AK5: variants seen among roughly 807,000 people sequenced by gnomAD.
The protein encoded by AK5 is adenylate kinase 5.
A neutral mutation model predicts 69.5 loss-of-function variants in AK5; 27 were observed. The observed-to-expected ratio is 0.39, with a 90% CI of 0.29 to 0.54. The LOEUF (loss-of-function observed/expected upper bound fraction) is 0.54, where lower values mean the gene tolerates loss of function less well. Among genes scored for constraint, AK5 ranks in the 20% least tolerant of loss-of-function variants. The probability of loss-of-function intolerance (pLI) is 0.71; values close to 1 mark genes in which losing one functional copy is unlikely to be tolerated. For synonymous variants in AK5, 260 were observed against 244.4 expected, an observed-to-expected ratio of 1.06 and a Z score of -0.60; for missense variants, 531 against 700.4, an observed-to-expected ratio of 0.76 and a Z score of 2.73.
chr1:77,374,680 A>T (rs1270681804), intron 6 of AK5, among the ~76,000 whole-genome samples: 2 of 152,006 alleles, frequency 1.3e-5, no homozygotes, highest in African/African-American at 4.8e-5. Context: ...ATTTAGCCAG[A>T]TGTGGTGGCA....
intron 1 of AK5, among the ~76,000 whole-genome samples, chr1:77,286,463 C>A (rs933742037): frequency 6.6e-6 from 1 of 150,924 alleles, no homozygotes; most frequent in African/African-American, 2.4e-5. Flanking sequence ...TCCATCAGAT[C>A]GTAATTTCAA....
chr1:77,542,045 C>A (rs1285464192), intron 13 of AK5, among the ~76,000 whole-genome samples: 1 of 152,130 alleles, frequency 6.6e-6, no homozygotes, highest in East Asian at 1.9e-4. Context: ...AAGAGAAAAA[C>A]AGGCCAGGCA....
intron 11 of AK5, among the ~76,000 whole-genome samples, chr1:77,519,381 G>A (rs1657854654): frequency 6.6e-6 from 1 of 152,084 alleles, no homozygotes; most frequent in Non-Finnish European, 1.5e-5. Context: ...CTCATGAAAG[G>A]AAAACAGACC....
At chr1:77,368,250 T>A (rs1557535570) in intron 6 of AK5, among the ~76,000 whole-genome samples, 1 of 75,246 alleles carries the variant, frequency 1.3e-5, no homozygotes, top group African/African-American at 3.7e-5. Context: ...TATATATATA[T>A]ATAATATATA....
chr1:77,541,920 T>A (rs1216823872), intron 13 of AK5, among the ~76,000 whole-genome samples: 1 of 152,134 alleles, frequency 6.6e-6, no homozygotes, highest in Non-Finnish European at 1.5e-5. Context: ...GCAGCTGGGG[T>A]CACAGGGGGC....
chr1:77,430,232 C>G (rs748649536), intron 8 of AK5, among the ~76,000 whole-genome samples: 8 of 151,626 alleles, frequency 5.3e-5, no homozygotes, highest in South Asian at 4.2e-4. Context: ...AAAAAGGGGA[C>G]AGAGAGAAAG....
intron 2 of AK5, among the ~76,000 whole-genome samples, chr1:77,289,938 G>C (rs1239694754): frequency 6.6e-6 from 1 of 151,458 alleles, no homozygotes; most frequent in Non-Finnish European, 1.5e-5. Flanking sequence ...ACACATCTGT[G>C]GGGCTATATT....
chr1:77,282,951 C>T (rs957645419), intron 1 of AK5: 1 of 985,676 alleles, frequency 1.0e-6, no homozygotes, highest in Non-Finnish European at 1.2e-6. Flanking sequence ...TCTGCGCTTT[C>T]GCTGAATGAA....
At chr1:77,521,139 C>CTT (rs879354407) in intron 11 of AK5, among the ~76,000 whole-genome samples, 2 of 145,680 alleles carry the variant, frequency 1.4e-5, no homozygotes, top group Non-Finnish European at 3.0e-5. Flanking sequence ...AGTAAGATAC[C>CTT]TTTTTTTTTT....
intron 6 of AK5, among the ~76,000 whole-genome samples, chr1:77,368,579 C>T (rs1647063070): frequency 6.6e-6 from 1 of 151,606 alleles, no homozygotes; most frequent in Non-Finnish European, 1.5e-5. Context: ...CATTTTCTTA[C>T]ACTTACTCAC....
intron 6 of AK5, among the ~76,000 whole-genome samples, chr1:77,362,568 A>G (rs1309807204): frequency 6.6e-6 from 1 of 152,230 alleles, no homozygotes; most frequent in Non-Finnish European, 1.5e-5. Flanking sequence ...AGACTCATAA[A>G]GTTACACATT....
rs1385184943 is a variant in AK5 at position 77,483,734 on chromosome 1, TA to T, written c.1102+377del. 3.9e-5 allele frequency among the ~76,000 whole-genome samples: 6 copies of T among 152,392 alleles called. No homozygotes were observed. In the East Asian group the frequency reaches 7.7e-4, roughly 20 times the overall value. On this transcript the variant is annotated intron_variant, in intron 9 of 13. Coordinates refer to ENST00000354567, the MANE Select transcript of AK5 (RefSeq NM_174858.3). ...TGCAGTAAAAAGAGTTGTTAAACTT[TA>T]ATTCAACATTCATTAAACATAATTG...
intron 6 of AK5, among the ~76,000 whole-genome samples, chr1:77,344,333 A>T (rs1380535868): frequency 4.6e-5 from 7 of 152,250 alleles, no homozygotes; most frequent in Admixed American, 4.6e-4. Context: ...CTAGTATATT[A>T]GAAACTTCTT....
At chr1:77,474,505 G>T (rs1316553267) in intron 8 of AK5, among the ~76,000 whole-genome samples, 1 of 152,208 alleles carries the variant, frequency 6.6e-6, no homozygotes, top group Non-Finnish European at 1.5e-5. Flanking sequence ...CAGACTGTAG[G>T]CTTCGGAGTG....
At chr1:77,309,092 G>A (rs1338023415) in intron 5 of AK5, among the ~76,000 whole-genome samples, 1 of 151,784 alleles carries the variant, frequency 6.6e-6, no homozygotes, top group Non-Finnish European at 1.5e-5. Flanking sequence ...TGGGGTCGGG[G>A]GAGGGAGAAC....
intron 5 of AK5, among the ~76,000 whole-genome samples, chr1:77,315,386 G>A (rs1463667440): frequency 6.6e-6 from 1 of 151,968 alleles, no homozygotes; most frequent in East Asian, 1.9e-4. Flanking sequence ...ATAAAACATA[G>A]AGAATATTTA....
chr1:77,437,681 G>A (rs2803141), intron 8 of AK5, among the ~76,000 whole-genome samples: 149,543 of 152,210 alleles, frequency 0.98, 73,516 homozygotes, highest in Middle Eastern at 1. Context: ...AAAATACCCC[G>A]GTGGCCTTGA....
intron 5 of AK5, among the ~76,000 whole-genome samples, chr1:77,311,079 C>T (rs1359627024): frequency 6.6e-6 from 1 of 152,072 alleles, no homozygotes; most frequent in Non-Finnish European, 1.5e-5. Context: ...CCCTAGACAG[C>T]CTTCTTTTCT....
chr1:77,406,493 C>T (rs151175325), intron 6 of AK5, among the ~76,000 whole-genome samples: 1 of 151,490 alleles, frequency 6.6e-6, no homozygotes, highest in East Asian at 1.9e-4. Context: ...ATCAGATATT[C>T]AGTGGCCACC....
Sources: allele counts gnomAD v4.1 joint callset (sites outside exome capture counted in the v4.1 genomes callset), GRCh38; gene constraint gnomAD v4.1.1; transcripts MANE v1.5; gene names NCBI Gene and HGNC (gene_info 2026-07-23, HGNC 2026-07-21).